The following CADM2 variants were observed in gnomAD, a reference collection of about 807,000 sequenced individuals.
The protein encoded by CADM2 is immunoglobulin superfamily member 4D.
CADM2 carries 12 observed loss-of-function variants against 49.8 expected under a neutral mutation model. That is an observed-to-expected ratio of 0.24 (90% confidence interval 0.15 to 0.39). The LOEUF (loss-of-function observed/expected upper bound fraction) is 0.39. CADM2 is among the 10% of genes least tolerant of loss of function. The pLI is 1.00. For synonymous variants in CADM2, 214 were observed against 175.4 expected, an observed-to-expected ratio of 1.22 and a Z score of -1.74; for missense variants, 378 against 492.3, an observed-to-expected ratio of 0.77 and a Z score of 2.20.
chr3:85,393,144 G>T (rs2034603773), intron 1 of CADM2, among the ~76,000 whole-genome samples: 1 of 148,876 alleles, frequency 6.7e-6, no homozygotes, highest in African/African-American at 2.4e-5. Flanking sequence ...TTGTAAGAAA[G>T]ACAATAACAA....
chr3:85,104,275 G>A (rs2038124919), intron 1 of CADM2, among the ~76,000 whole-genome samples: 1 of 151,378 alleles, frequency 6.6e-6, no homozygotes, highest in African/African-American at 2.4e-5. Flanking sequence ...TGGCTAGCCA[G>A]TTTTCCCAGC....
intron 1 of CADM2, among the ~76,000 whole-genome samples, chr3:85,403,369 C>G (rs2035212172): frequency 6.6e-6 from 1 of 152,118 alleles, no homozygotes; most frequent in Non-Finnish European, 1.5e-5. Flanking sequence ...TTCTCTTTCT[C>G]AAGGGCATTT....
At chr3:84,965,560 C>T (rs974367490) in intron 1 of CADM2, among the ~76,000 whole-genome samples, 2 of 152,234 alleles carry the variant, frequency 1.3e-5, no homozygotes, top group East Asian at 1.9e-4. Context: ...CATTTTCATC[C>T]AATGAATGGT....
At chr3:85,328,340 T>G (rs1213925865) in intron 1 of CADM2, among the ~76,000 whole-genome samples, 1 of 152,208 alleles carries the variant, frequency 6.6e-6, no homozygotes, top group African/African-American at 2.4e-5. Context: ...TGTATTAAAA[T>G]TTGTCACTAT....
intron 8 of CADM2, among the ~76,000 whole-genome samples, chr3:85,981,780 A>G (rs1016881810): frequency 6.6e-6 from 1 of 151,582 alleles, no homozygotes; most frequent in African/African-American, 2.4e-5. Flanking sequence ...GGTTGATTCC[A>G]TGTCTTTGAT....
chr3:85,568,918 C>G (rs943888609), intron 1 of CADM2, among the ~76,000 whole-genome samples: 5 of 152,110 alleles, frequency 3.3e-5, no homozygotes, highest in Non-Finnish European at 5.9e-5. Flanking sequence ...AGTTTGCACT[C>G]CTCTCTGTAG....
At chr3:85,422,379 A>C (rs1576524698) in intron 1 of CADM2, among the ~76,000 whole-genome samples, 1 of 151,878 alleles carries the variant, frequency 6.6e-6, no homozygotes, top group Non-Finnish European at 1.5e-5. Flanking sequence ...CCGGGTTCGC[A>C]CCATTCTCCT....
intron 1 of CADM2, among the ~76,000 whole-genome samples, chr3:85,147,357 T>C (rs1436377303): frequency 6.6e-6 from 1 of 150,686 alleles, no homozygotes; most frequent in Non-Finnish European, 1.5e-5. Flanking sequence ...CCAGATTGTT[T>C]AGGCAGTGAC....
At chr3:85,273,642 G>A (rs1420661614) in intron 1 of CADM2, among the ~76,000 whole-genome samples, 1 of 151,386 alleles carries the variant, frequency 6.6e-6, no homozygotes, top group African/African-American at 2.4e-5. Flanking sequence ...ATGTTAAGAT[G>A]GAGGAAGCTG....
intron 1 of CADM2, among the ~76,000 whole-genome samples, chr3:85,036,732 G>T (rs1468287219): frequency 6.6e-6 from 1 of 152,068 alleles, no homozygotes; most frequent in African/African-American, 2.4e-5. Flanking sequence ...GTTTAGTTAT[G>T]TCTCTTATAA....
intron 1 of CADM2, among the ~76,000 whole-genome samples, chr3:84,995,055 A>T (rs182487743): frequency 1.6e-4 from 25 of 152,258 alleles, no homozygotes; most frequent in Admixed American, 5.9e-4. Flanking sequence ...AAATAAAAGA[A>T]TATGTAAGTG....
At chr3:85,700,937 C>A (rs1237466865) in intron 1 of CADM2, among the ~76,000 whole-genome samples, 1 of 152,184 alleles carries the variant, frequency 6.6e-6, no homozygotes, top group Admixed American at 6.5e-5. Flanking sequence ...AGAGCAATTA[C>A]CCACTTCTCA....
intron 8 of CADM2, among the ~76,000 whole-genome samples, chr3:86,061,662 A>T (rs926950393): frequency 6.6e-6 from 1 of 151,946 alleles, no homozygotes; most frequent in Admixed American, 6.6e-5. Flanking sequence ...ATTTGATTAC[A>T]TAAAGTTGTA....
intron 1 of CADM2, among the ~76,000 whole-genome samples, chr3:85,079,605 T>C (rs2037084274): frequency 1.3e-5 from 2 of 151,742 alleles, no homozygotes; most frequent in Admixed American, 1.3e-4. Context: ...GAAAATCGTA[T>C]AATAATAAGA....
At chr3:85,654,563 GT>G in intron 1 of CADM2, among the ~76,000 whole-genome samples, 1 of 152,234 alleles carries the variant, frequency 6.6e-6, no homozygotes, top group East Asian at 1.9e-4. Flanking sequence ...AGTGATAGAG[GT>G]TTGATAGTGA....
At chr3:85,289,129 A>G (rs1192616586) in intron 1 of CADM2, among the ~76,000 whole-genome samples, 1 of 152,194 alleles carries the variant, frequency 6.6e-6, no homozygotes, top group Non-Finnish European at 1.5e-5. Context: ...TATACTGAAA[A>G]TAGAAAGATG....
intron 1 of CADM2, among the ~76,000 whole-genome samples, chr3:85,377,371 G>T (rs1007663392): frequency 2.6e-5 from 4 of 151,992 alleles, no homozygotes; most frequent in African/African-American, 9.7e-5. Flanking sequence ...ACCTTCTGTG[G>T]CTTTTATCTT....
chr3:85,672,513 T>G (rs1205422441), intron 1 of CADM2, among the ~76,000 whole-genome samples: 1 of 152,182 alleles, frequency 6.6e-6, no homozygotes, highest in Non-Finnish European at 1.5e-5. Flanking sequence ...CTCAGTGGCT[T>G]GGTTAAAATA....
chr3:85,849,223 G>A (rs1252096150), intron 3 of CADM2, among the ~76,000 whole-genome samples: 2 of 152,146 alleles, frequency 1.3e-5, no homozygotes, highest in Non-Finnish European at 2.9e-5. Context: ...CCAGTTCACT[G>A]ATTACTGTCA....
Sources: allele counts gnomAD v4.1 joint callset (sites outside exome capture counted in the v4.1 genomes callset), GRCh38; gene constraint gnomAD v4.1.1; transcripts MANE v1.5; gene names NCBI Gene and HGNC (gene_info 2026-07-23, HGNC 2026-07-21).